NPHP1: variants seen among roughly 807,000 people sequenced by gnomAD.
The protein encoded by NPHP1 is nephrocystin-1.
A neutral mutation model predicts 90.4 loss-of-function variants in NPHP1; 70 were observed. That is an observed-to-expected ratio of 0.77 (90% CI 0.64 to 0.95). The LOEUF (loss-of-function observed/expected upper bound fraction) is 0.95, where lower values mean the gene tolerates loss of function less well. Among genes scored for constraint, NPHP1 ranks in the 40% least tolerant of loss-of-function variants. NPHP1 has a pLI of 0.00. For missense variants in NPHP1, 764 were observed against 795.9 expected (o/e 0.96, Z 0.48); for synonymous variants, 256 against 271.7 (o/e 0.94, Z 0.57).
rs979628370 is a variant in NPHP1, at chr2:110,123,838, C to T, written c.1987G>A (p.Glu663Lys). The T allele has an allele frequency of 6.8e-6, 11 of 1,613,992 alleles. No individual in the cohort carries two copies. Among genetic ancestry groups the T allele is most frequent in the African/African-American group, 1.3e-5 (1 of 74,924 alleles). ...DGVHEPFDLS[E>K]QTYDFLGEMR... Reference sequence around the variant, plus strand: ...TCACCCAAGAAGTCATAGGTCTGCTCTGAAAGGTCAAAAGGTTCATGAACT... The same window carrying T: ...TCACCCAAGAAGTCATAGGTCTGCTTTGAAAGGTCAAAAGGTTCATGAACT... The change falls in exon 20 of 20, where the codon GAG (glutamate) becomes AAG (lysine). Residue 663 changes from glutamate (E) to lysine (K), a missense_variant. Transcript: ENST00000445609.
At chr2:110,139,886 G>A (rs984423617) in intron 16 of NPHP1, among the ~76,000 whole-genome samples, 4 of 152,100 alleles carry the variant, frequency 2.6e-5, no homozygotes, top group Admixed American at 6.5e-5. Flanking sequence ...CGAAGGTTTC[G>A]GGTCAGGGGA....
chr2:110,165,028 T>G, intron 7 of NPHP1, 24 bp downstream of exon 7: 128 of 1,545,024 alleles, frequency 8.3e-5, no homozygotes, highest in Non-Finnish European at 1.1e-4. Context: ...AAACCTACTT[T>G]GATATCCTTT....
chr2:110,185,612 G>A (rs926384048), intron 2 of NPHP1, among the ~76,000 whole-genome samples: 3 of 152,164 alleles, frequency 2.0e-5, no homozygotes, highest in African/African-American at 7.2e-5. Context: ...CCAGGCAGCT[G>A]CTGCCTCCCC....
chr2:110,136,086 A>C (rs548175641), intron 16 of NPHP1, among the ~76,000 whole-genome samples: 1 of 152,278 alleles, frequency 6.6e-6, no homozygotes, highest in African/African-American at 2.4e-5. Context: ...TGATTATCTC[A>C]ATAGATGCAG....
At chr2:110,143,841 AT>A (rs1680824630) in intron 15 of NPHP1, 200 bp from the exon 16 acceptor site, 1 of 561,328 alleles carries the variant, frequency 1.8e-6, no homozygotes, top group African/African-American at 1.9e-5. Context: ...GAGTTACAGC[AT>A]TATTGCTGCC....
At chr2:110,153,585 G>A (rs553342588) in intron 11 of NPHP1, among the ~76,000 whole-genome samples, 4 of 152,120 alleles carry the variant, frequency 2.6e-5, no homozygotes, top group Non-Finnish European at 5.9e-5. Context: ...ACTGTGGTAA[G>A]CTATGCATGT....
intron 1 of NPHP1, among the ~76,000 whole-genome samples, chr2:110,204,200 AC>A (rs1475538687): frequency 2.0e-5 from 3 of 152,190 alleles, no homozygotes; most frequent in African/African-American, 7.2e-5. Context: ...GAAATGCTGT[AC>A]AAGCACCTTA....
At chr2:110,159,647 AATAGTTTGTTTT>A (rs1682158732) in intron 11 of NPHP1, among the ~76,000 whole-genome samples, 1 of 151,992 alleles carries the variant, frequency 6.6e-6, no homozygotes, top group African/African-American at 2.4e-5. Context: ...GTCAGATGTT[AATAGTTTGTTTT>A]CTTTTACTTT....
rs757090423 is a variant in NPHP1, at chr2:110,164,656, G to A, written c.771+32C>T. The A allele has an allele frequency of 9.3e-6, 15 of 1,613,838 alleles. No homozygotes were observed. The South Asian group carries it at 1.2e-4, about 13-fold the overall frequency. On this transcript the variant is annotated intron_variant, in intron 8 of 19. Transcript: ENST00000445609. ...CATCAGAACTATTAGGTAGCAAAAC[G>A]AGACATGATTAACAAGACAGAAGAT...
chr2:110,161,616 G>C lies in NPHP1; in HGVS notation c.941C>G (p.Ala314Gly), dbSNP rs375317119. 6.8e-6 allele frequency: 11 copies of C among 1,607,120 alleles called. No individual in the cohort carries two copies. In the African/African-American group the frequency reaches 1.3e-4, roughly 20 times the overall value. The change falls in exon 10 of 20, where the codon GCT (alanine) becomes GGT (glycine). Residue 314 changes from alanine (A) to glycine (G), a missense_variant. Coordinates refer to ENST00000445609, the MANE Select transcript of NPHP1 (RefSeq NM_001128178.3). ...QLAFRDLMWD[A>G]TEGTIRSRPS... ...AACTATACTTACAGTGCCTTCTGTA[G>C]CATCCCACATCAGATCTCTGAAGGC... is the stretch of plus-strand genomic sequence containing the variant.
At chr2:110,133,396 T>C (rs550121413) in intron 16 of NPHP1, among the ~76,000 whole-genome samples, 1 of 152,206 alleles carries the variant, frequency 6.6e-6, no homozygotes, top group East Asian at 1.9e-4. Flanking sequence ...TGCTCCTAAA[T>C]ATATGAAGCA....
At chr2:110,185,092 T>C in intron 2 of NPHP1, 3 of 589,714 alleles carry the variant, frequency 5.1e-6, no homozygotes, top group Non-Finnish European at 1.0e-5. Flanking sequence ...GCTCTATCCT[T>C]GCCTCCATGA....
At chr2:110,160,023 A>C in intron 11 of NPHP1, 104 bp downstream of exon 11, 1 of 1,318,168 alleles carries the variant, frequency 7.6e-7, no homozygotes, top group South Asian at 1.2e-5. Flanking sequence ...TACTAGGTAA[A>C]AAATACTCTC....
chr2:110,162,976 G>A, intron 9 of NPHP1, 72 bp downstream of exon 9: 1 of 993,936 alleles, frequency 1.0e-6, no homozygotes, highest in Non-Finnish European at 1.6e-6. Context: ...TGTTTTGCCT[G>A]TGACAGAAAA....
At chr2:110,165,483 C>T (rs376985400) in intron 6 of NPHP1, among the ~76,000 whole-genome samples, 1 of 151,450 alleles carries the variant, frequency 6.6e-6, no homozygotes, top group Non-Finnish European at 1.5e-5. Flanking sequence ...AAAGAAAAGA[C>T]GTAAAGATAA....
chr2:110,193,701 T>C (rs1408279577), intron 2 of NPHP1, among the ~76,000 whole-genome samples: 7 of 152,082 alleles, frequency 4.6e-5, no homozygotes, highest in East Asian at 3.9e-4. Flanking sequence ...CAACAGAATA[T>C]ACATTATTCT....
intron 16 of NPHP1, among the ~76,000 whole-genome samples, chr2:110,138,753 C>T (rs1427906233): frequency 6.6e-6 from 1 of 152,112 alleles, no homozygotes; most frequent in Admixed American, 6.5e-5. Flanking sequence ...TGATGAAGAA[C>T]AGCCAAGGTT....
At chr2:110,138,690 G>A (rs950385924) in intron 16 of NPHP1, among the ~76,000 whole-genome samples, 6 of 151,874 alleles carry the variant, frequency 4.0e-5, no homozygotes, top group Admixed American at 3.9e-4. Context: ...CTGCCCTTTG[G>A]TCCACGGTCC....
At chr2:110,181,258 A>G (rs1434240132) in intron 2 of NPHP1, among the ~76,000 whole-genome samples, 1 of 152,148 alleles carries the variant, frequency 6.6e-6, no homozygotes, top group African/African-American at 2.4e-5. Context: ...TCCCCTCCTA[A>G]TGTATCATAT....
Sources: gnomAD v4.1 joint callset for allele counts (sites outside exome capture counted in the v4.1 genomes callset) on GRCh38, gnomAD v4.1.1 for gene constraint, MANE v1.5 for transcripts, NCBI Gene and HGNC (gene_info 2026-07-23, HGNC 2026-07-21) for gene names.